The following CELF2 variants were observed in gnomAD, a reference collection of about 807,000 sequenced individuals.
CELF2 encodes CUGBP Elav-like family member 2.
A neutral mutation model predicts 62.6 loss-of-function variants in CELF2; 8 were observed. The observed-to-expected ratio is 0.13, with a 90% CI of 0.07 to 0.23. The LOEUF is 0.23. Among genes scored for constraint, CELF2 ranks in the 10% least tolerant of loss-of-function variants. The pLI is 1.00. For synonymous variants in CELF2, 258 were observed against 250.0 expected (o/e 1.03, Z -0.30); for missense variants, 333 against 671.0 (o/e 0.50, Z 5.56).
chr10:11,118,277 A>G (rs931759119), intron 1 of CELF2, among the ~76,000 whole-genome samples: 1 of 152,036 alleles, frequency 6.6e-6, no homozygotes, highest in Non-Finnish European at 1.5e-5. Flanking sequence ...GGCTTGGTGT[A>G]CTGTTTTCAA....
At chr10:11,118,920 C>T (rs2057141495) in intron 1 of CELF2, among the ~76,000 whole-genome samples, 1 of 152,214 alleles carries the variant, frequency 6.6e-6, no homozygotes, top group African/African-American at 2.4e-5. Flanking sequence ...CTGTGTCACT[C>T]TCTGTGAAAT....
intron 3 of CELF2, among the ~76,000 whole-genome samples, chr10:11,240,460 T>C (rs1279136174): frequency 6.6e-6 from 1 of 152,220 alleles, no homozygotes; most frequent in Non-Finnish European, 1.5e-5. Context: ...GTAGAACATT[T>C]CAGACAGCTG....
chr10:10,750,153 G>A, the CELF2 span, among the ~76,000 whole-genome samples: 5 of 152,134 alleles, frequency 3.3e-5, no homozygotes, highest in Non-Finnish European at 7.3e-5. Flanking sequence ...GTGATGGCAC[G>A]TGCCTATAAT....
chr10:11,046,603 C>A lies in CELF2; in HGVS notation c.74+28440C>A, dbSNP rs2062893793. On this transcript the variant is annotated intron_variant, in intron 1 of 12. Transcript: ENST00000633077. The surrounding 1 kb of genome is among the most constrained non-coding windows in gnomAD (Gnocchi z 4.6). Reference sequence around the variant, plus strand: ...GTGGTCCCTGAAGTACGAGCTTTTTCATAGACTCCAAGGTTCTCCTCATTT... The same window carrying A: ...GTGGTCCCTGAAGTACGAGCTTTTTAATAGACTCCAAGGTTCTCCTCATTT... Among the ~76,000 whole-genome samples, 1 of 152,120 alleles carries A rather than the reference C, an allele frequency of 6.6e-6. No individual in the cohort carries two copies. The highest frequency in any genetic ancestry group is 1.5e-5 in the Non-Finnish European group (1 of 68,026).
intron 2 of CELF2, among the ~76,000 whole-genome samples, chr10:10,970,976 G>C (rs2050692858): frequency 6.6e-6 from 1 of 152,024 alleles, no homozygotes; most frequent in Non-Finnish European, 1.5e-5. Context: ...CCATGGAACT[G>C]ATGACATTGA....
At chr10:10,774,620 C>T in the CELF2 span, among the ~76,000 whole-genome samples, 1 of 152,172 alleles carries the variant, frequency 6.6e-6, no homozygotes, top group Admixed American at 6.5e-5. Context: ...TTTCCCATGG[C>T]CTCCTCAGAA....
At chr10:10,533,730 T>A in the CELF2 span, among the ~76,000 whole-genome samples, 7 of 152,188 alleles carry the variant, frequency 4.6e-5, no homozygotes, top group African/African-American at 1.2e-4. Context: ...CAAGGAGATC[T>A]CTTTGGGGAA....
At position 10,936,220 on chromosome 10, in the gene CELF2, A is replaced by G. The variant is rs916382580; in HGVS notation, c.89+16221A>G. On this transcript the variant is annotated intron_variant, in intron 2 of 13. Transcript: ENST00000636488. The surrounding 1 kb of genome is among the most constrained non-coding windows in gnomAD (Gnocchi z 4.0). Reference sequence around the variant, plus strand: ...AAAAGAAAGAAACAATAAGTCTTGCAGAGGTTAGAAAGAAGGTAAAGAAAT... The same window carrying G: ...AAAAGAAAGAAACAATAAGTCTTGCGGAGGTTAGAAAGAAGGTAAAGAAAT... 6.6e-6 allele frequency among the ~76,000 whole-genome samples: 1 copy of G among 152,190 alleles called. No individual in the cohort carries two copies. Among genetic ancestry groups the G allele is most frequent in the Non-Finnish European group, 1.5e-5 (1 of 68,036 alleles).
At chr10:10,552,975 G>A in the CELF2 span, among the ~76,000 whole-genome samples, 1 of 152,178 alleles carries the variant, frequency 6.6e-6, no homozygotes, top group Non-Finnish European at 1.5e-5. Flanking sequence ...CAGCAAGGGG[G>A]CATGGGGAGA....
rs2139808946 is a variant in CELF2 at position 11,046,820 on chromosome 10, T to C, written c.74+28657T>C. On this transcript the variant is annotated intron_variant, in intron 1 of 12. Transcript: ENST00000633077. The surrounding 1 kb of genome is among the most constrained non-coding windows in gnomAD (Gnocchi z 4.6). ...AAGCCCTTGGCTTGTTGCTTTATTT[T>C]CTAAAATTTTAAATTTCATCGAAAC... Among the ~76,000 whole-genome samples, 1 of 152,364 alleles carries C rather than the reference T, an allele frequency of 6.6e-6. No individual in the cohort carries two copies. The highest frequency in any genetic ancestry group is 6.5e-5 in the Admixed American group (1 of 15,306).
chr10:10,993,998 A>T lies in CELF2; in HGVS notation c.89+73999A>T, dbSNP rs1162590751. ...CAAACCTGCTGTCACCTTGATCTTG[A>T]CTTCCAGCCTCCAGAACTGTGAGAA... is the stretch of plus-strand genomic sequence containing the variant. On this transcript the variant is annotated intron_variant, in intron 2 of 13. Coordinates refer to the CELF2 transcript ENST00000636488. This position sits in a 1 kb window ranked among gnomAD's most constrained non-coding sequence, Gnocchi z 5.3. Among the ~76,000 whole-genome samples, 1 of 152,214 alleles carries T rather than the reference A, an allele frequency of 6.6e-6. No individual in the cohort carries two copies. Among genetic ancestry groups the T allele is most frequent in the African/African-American group, 2.4e-5 (1 of 41,444 alleles).
intron 1 of CELF2, chr10:11,164,964 T>G: frequency 2.4e-5 from 14 of 573,806 alleles, no homozygotes; most frequent in Non-Finnish European, 2.9e-5. Flanking sequence ...GACTGCCAAG[T>G]GTTTCATTTT....
At chr10:10,508,586 T>C in the CELF2 span, among the ~76,000 whole-genome samples, 1 of 152,260 alleles carries the variant, frequency 6.6e-6, no homozygotes, top group East Asian at 1.9e-4. Flanking sequence ...GAAATGTCAG[T>C]TAGGCATACT....
the CELF2 span, among the ~76,000 whole-genome samples, chr10:10,516,608 G>A: frequency 2.6e-5 from 4 of 152,096 alleles, no homozygotes; most frequent in South Asian, 8.3e-4. Context: ...AGAATTTACT[G>A]AGAGCTGGTT....
In CELF2 at chr10:10,997,379, G is replaced by A. The variant is rs1314936946; in HGVS notation, c.89+77380G>A. Among the ~76,000 whole-genome samples the A allele has an allele frequency of 6.6e-6, 1 of 152,162 alleles. No individual in the cohort carries two copies. The highest frequency in any genetic ancestry group is 1.9e-4 in the East Asian group (1 of 5,190). ...AACTCATCTTTCCTAGACCATCTGG[G>A]CTTCTCTTGCATTTCCATCACATGA... On this transcript the variant is annotated intron_variant, in intron 2 of 13. Coordinates refer to the CELF2 transcript ENST00000636488. The surrounding 1 kb of genome is among the most constrained non-coding windows in gnomAD (Gnocchi z 5.3).
chr10:10,541,159 C>T, the CELF2 span, among the ~76,000 whole-genome samples: 6 of 146,334 alleles, frequency 4.1e-5, no homozygotes, highest in Non-Finnish European at 5.9e-5. Context: ...AGGAGAATGG[C>T]GAGAACCCGG....
the CELF2 span, among the ~76,000 whole-genome samples, chr10:10,701,062 T>C: frequency 6.6e-6 from 1 of 152,222 alleles, no homozygotes; most frequent in South Asian, 2.1e-4. Context: ...ACCTGATTTA[T>C]CAGCGGCCCT....
At chr10:10,741,278 C>T in the CELF2 span, among the ~76,000 whole-genome samples, 1 of 151,828 alleles carries the variant, frequency 6.6e-6, no homozygotes, top group Non-Finnish European at 1.5e-5. Flanking sequence ...TTTGGAAGGC[C>T]GAGGCAGGCA....
At chr10:11,099,533 G>T (rs1463046913) in intron 1 of CELF2, among the ~76,000 whole-genome samples, 1 of 151,808 alleles carries the variant, frequency 6.6e-6, no homozygotes, top group East Asian at 1.9e-4. Flanking sequence ...GGATTAAAAA[G>T]GGGACTAGCT....
Sources: allele counts gnomAD v4.1 joint callset (sites outside exome capture counted in the v4.1 genomes callset), GRCh38; gene constraint gnomAD v4.1.1; non-coding constraint Gnocchi (gnomAD v3.1); transcripts MANE v1.5; gene names NCBI Gene and HGNC (gene_info 2026-07-23, HGNC 2026-07-21).